The following CCSER2 variants were observed in gnomAD, a reference collection of about 807,000 sequenced individuals.
CCSER2 encodes the protein serine-rich coiled-coil domain-containing protein 2.
A neutral mutation model predicts 92.3 loss-of-function variants in CCSER2; 46 were observed. The observed-to-expected ratio is 0.50, with a 90% CI of 0.39 to 0.64. CCSER2 has a LOEUF of 0.64. CCSER2 is among the 30% of genes least tolerant of loss of function. The pLI is 0.00. For missense variants in CCSER2, 1,244 were observed against 1,238.9 expected, an observed-to-expected ratio of 1.00 and a Z score of -0.06; for synonymous variants, 433 against 431.4, an observed-to-expected ratio of 1.00 and a Z score of -0.04.
chr10:84,377,614 T>C (rs1441741964), intron 3 of CCSER2, among the ~76,000 whole-genome samples: 3 of 152,202 alleles, frequency 2.0e-5, no homozygotes, highest in Non-Finnish European at 4.4e-5. Context: ...TAGCACTTCT[T>C]AACCTTTTGT....
At chr10:84,399,388 T>G (rs1043238320) in intron 3 of CCSER2, among the ~76,000 whole-genome samples, 8 of 152,188 alleles carry the variant, frequency 5.3e-5, no homozygotes, top group Non-Finnish European at 1.0e-4. Flanking sequence ...CTGAGTAATA[T>G]TCCATGGTGT....
Position 84,404,814 on chromosome 10 carries a change from A to G in CCSER2, c.1615-12957A>G, listed in dbSNP as rs114294113. On this transcript the variant is annotated intron_variant, in intron 3 of 9. Transcript: ENST00000372088. ...AACAATGTTGTTTATAAGATCTACC[A>G]AAACACTTAGGTATAAATCTAACAA... Among the ~76,000 whole-genome samples, 403 of 152,356 alleles carry G rather than the reference A, an allele frequency of 2.6e-3. 1 individual carries two copies. Among genetic ancestry groups the G allele is most frequent in the African/African-American group, 9.3e-3 (387 of 41,590 alleles).
intron 1 of CCSER2, among the ~76,000 whole-genome samples, chr10:84,370,202 T>A (rs1845990720): frequency 6.6e-6 from 1 of 152,164 alleles, no homozygotes; most frequent in East Asian, 1.9e-4. Flanking sequence ...TTGCATTGAA[T>A]CTGTAGACTG....
Position 84,513,953 on chromosome 10 carries a change from A to T in CCSER2, c.2830A>T (p.Thr944Ser). 1 of 1,536,590 alleles carries T rather than the reference A, an allele frequency of 6.5e-7. No individual in the cohort carries two copies. The highest frequency in any genetic ancestry group is 8.7e-7 in the Non-Finnish European group (1 of 1,147,026). ...PPVSESSPSRTPTCKKSPIIT... is the reference protein window; with the variant it reads ...PPVSESSPSRSPTCKKSPIIT... ...AGTTTCTGAATCATCTCCAAGTAGG[A>T]CTCCCACTTGTAAAAAGTCACCAAT... is the stretch of plus-strand genomic sequence containing the variant. The change falls in exon 10 of 10, where the codon ACT becomes TCT. Residue 944 changes from threonine to serine, a missense_variant. Transcript: ENST00000372088.
chr10:84,458,237 C>T (rs1352094682), intron 6 of CCSER2, among the ~76,000 whole-genome samples: 1 of 152,022 alleles, frequency 6.6e-6, no homozygotes, highest in Non-Finnish European at 1.5e-5. Context: ...GAGTTATGGG[C>T]CAAGATTATT....
chr10:84,391,301 G>C, intron 3 of CCSER2: 1 of 1,466,504 alleles, frequency 6.8e-7, no homozygotes, highest in Non-Finnish European at 9.6e-7. Flanking sequence ...TTTTATGTTA[G>C]TGTCTCTTGA....
At position 84,514,017 on chromosome 10, in the gene CCSER2, C is replaced by T. The variant is rs886781875; in HGVS notation, c.2894C>T (p.Ser965Phe). The T allele has an allele frequency of 1.8e-5, 27 of 1,536,552 alleles. No individual in the cohort carries two copies. In the Middle Eastern group the frequency reaches 8.3e-4, roughly 47 times the overall value. The change falls in exon 10 of 10, where the codon TCT (serine) becomes TTT (phenylalanine). Residue 965 changes from serine (S) to phenylalanine (F), a missense_variant. By Grantham distance (155) the Ser-to-Phe change is radical. Coordinates refer to ENST00000372088, the MANE Select transcript of CCSER2 (RefSeq NM_001284240.2). ...AATTCAGCAAAACTTCAGCCAACATCTAGTCAAACAAATCTTGCAAATAAT... is the reference window on the plus strand; with the variant it reads ...AATTCAGCAAAACTTCAGCCAACATTTAGTCAAACAAATCTTGCAAATAAT... ...TCNSAKLQPT[S>F]SQTNLANNQN...
intron 3 of CCSER2, among the ~76,000 whole-genome samples, chr10:84,403,858 G>A (rs1436023767): frequency 1.3e-5 from 2 of 152,102 alleles, no homozygotes; most frequent in Non-Finnish European, 2.9e-5. Context: ...ATATACAAAT[G>A]CTCCAAGCTA....
At chr10:84,475,048 T>C (rs1847055732) in intron 8 of CCSER2, among the ~76,000 whole-genome samples, 2 of 152,178 alleles carry the variant, frequency 1.3e-5, no homozygotes, top group Non-Finnish European at 2.9e-5. Context: ...TGTGTCACAT[T>C]CTCACACAGT....
intron 1 of CCSER2, among the ~76,000 whole-genome samples, chr10:84,362,590 C>A (rs115388661): frequency 1.2e-3 from 183 of 152,248 alleles, no homozygotes; most frequent in African/African-American, 4.4e-3. Flanking sequence ...TCTTAAACCA[C>A]AAATTCCTTT....
chr10:84,392,032 G>A (rs769115092), intron 3 of CCSER2: 1 of 1,253,876 alleles, frequency 8.0e-7, no homozygotes, highest in Non-Finnish European at 1.2e-6. Flanking sequence ...GCGTCTTGCA[G>A]CTGTTTATGG....
chr10:84,431,018 A>G (rs1339616380), intron 5 of CCSER2, among the ~76,000 whole-genome samples: 6 of 152,164 alleles, frequency 3.9e-5, no homozygotes. Flanking sequence ...GCAAAAATAG[A>G]GTTCTCATAT....
At chr10:84,436,508 A>G (rs11201036) in intron 5 of CCSER2, among the ~76,000 whole-genome samples, 31,004 of 149,962 alleles carry the variant, frequency 0.21, 3,438 homozygotes, top group Admixed American at 0.34. Context: ...GCTGGCGGGC[A>G]CCTGTAGTCC....
intron 1 of CCSER2, among the ~76,000 whole-genome samples, chr10:84,331,978 T>C (rs1843583489): frequency 6.6e-6 from 1 of 152,242 alleles, no homozygotes. Flanking sequence ...TAGCTGTTTA[T>C]CATTTTGCTT....
At chr10:84,443,585 G>A (rs1427724889) in intron 6 of CCSER2, among the ~76,000 whole-genome samples, 3 of 152,144 alleles carry the variant, frequency 2.0e-5, no homozygotes, top group African/African-American at 2.4e-5. Flanking sequence ...ACAGTGTAGC[G>A]ATTCCTCAAG....
chr10:84,499,378 C>T (rs1305298885), intron 9 of CCSER2, among the ~76,000 whole-genome samples: 1 of 152,182 alleles, frequency 6.6e-6, no homozygotes, highest in Non-Finnish European at 1.5e-5. Context: ...TCGTGATCCA[C>T]CCGCCTCATC....
intron 1 of CCSER2, among the ~76,000 whole-genome samples, chr10:84,352,672 ACTCT>A (rs1180417352): frequency 5.3e-5 from 8 of 150,644 alleles, no homozygotes; most frequent in Non-Finnish European, 1.2e-4. Flanking sequence ...CTGATTCCTG[ACTCT>A]CTATGTGAAC....
At chr10:84,437,906 G>T (rs1462324614) in intron 5 of CCSER2, among the ~76,000 whole-genome samples, 2 of 151,424 alleles carry the variant, frequency 1.3e-5, no homozygotes, top group East Asian at 3.9e-4. Flanking sequence ...TAGGGATGAG[G>T]TTTCACCGAG....
intron 1 of CCSER2, among the ~76,000 whole-genome samples, chr10:84,338,878 C>T (rs891288723): frequency 6.6e-6 from 1 of 152,050 alleles, no homozygotes; most frequent in Non-Finnish European, 1.5e-5. Flanking sequence ...TGCCTCTTTT[C>T]GTGGTTCATT....
Sources: allele counts gnomAD v4.1 joint callset (sites outside exome capture counted in the v4.1 genomes callset), GRCh38; gene constraint gnomAD v4.1.1; transcripts MANE v1.5; gene names NCBI Gene and HGNC (gene_info 2026-07-23, HGNC 2026-07-21).